ABCA12: variants seen among roughly 807,000 people sequenced by gnomAD.
ABCA12 encodes the protein glucosylceramide transporter ABCA12.
Under a neutral mutation model 293.5 loss-of-function variants are expected in ABCA12, and 156 were observed. That is an observed-to-expected ratio of 0.53 (90% CI 0.47 to 0.61). The LOEUF is 0.61. ABCA12 is among the 20% of genes least tolerant of loss of function. The probability of loss-of-function intolerance (pLI) is 0.00; values close to 1 mark genes in which losing one functional copy is unlikely to be tolerated. For synonymous variants in ABCA12, 1,063 were observed against 1,108.0 expected (o/e 0.96, Z 0.81); for missense variants, 2,797 against 3,090.2 (o/e 0.91, Z 2.25).
rs150269384 is a variant in ABCA12, at chr2:215,098,919, C to T, written c.163+12678G>A. 3.3e-4 allele frequency among the ~76,000 whole-genome samples: 50 copies of T among 152,352 alleles called. No homozygotes were observed. The East Asian group carries it at 6.0e-3, about 18-fold the overall frequency. On this transcript the variant is annotated intron_variant, in intron 2 of 52. Coordinates refer to ENST00000272895, the MANE Select transcript of ABCA12 (RefSeq NM_173076.3). ...ACACCGCGATGATGGGGCTGAATAT[C>T]GTAAGCACGTTTATGCCCTTTGTTA...
intron 7 of ABCA12, among the ~76,000 whole-genome samples, chr2:215,045,130 C>T (rs1319439783): frequency 6.6e-6 from 1 of 152,110 alleles, no homozygotes; most frequent in Non-Finnish European, 1.5e-5. Context: ...AATAATCGAA[C>T]ATCATTGATG....
intron 1 of ABCA12, among the ~76,000 whole-genome samples, chr2:215,125,862 TGTCTTGTTCC>T (rs1416707681): frequency 1.3e-5 from 2 of 152,182 alleles, no homozygotes; most frequent in Non-Finnish European, 1.5e-5. Flanking sequence ...TGGACATCCT[TGTCTTGTTCC>T]AGTTCTCAGA....
At chr2:214,975,570 T>C (rs1416226680) in intron 34 of ABCA12, among the ~76,000 whole-genome samples, 1 of 152,204 alleles carries the variant, frequency 6.6e-6, no homozygotes, top group Non-Finnish European at 1.5e-5. Flanking sequence ...ACTATAACTT[T>C]AGTTTTAGAT....
intron 9 of ABCA12, among the ~76,000 whole-genome samples, chr2:215,030,540 C>T (rs1384636104): frequency 1.3e-5 from 2 of 151,004 alleles, no homozygotes; most frequent in African/African-American, 4.9e-5. Context: ...GGAGGCGGAG[C>T]TTGCAGTGAG....
intron 44 of ABCA12, 131 bp from the exon 45 acceptor site, chr2:214,951,214 G>T: frequency 1.2e-6 from 1 of 820,304 alleles, no homozygotes; most frequent in Non-Finnish European, 2.0e-6. Context: ...CATTTGTAAT[G>T]AATTATGCTA....
intron 2 of ABCA12, among the ~76,000 whole-genome samples, chr2:215,079,669 C>T (rs923512800): frequency 2.6e-5 from 4 of 152,020 alleles, no homozygotes; most frequent in African/African-American, 9.7e-5. Context: ...CCAGCTTTTG[C>T]TTATTGCTCC....
chr2:215,046,264 A>G (rs1381085107), intron 6 of ABCA12, among the ~76,000 whole-genome samples: 1 of 151,856 alleles, frequency 6.6e-6, no homozygotes, highest in African/African-American at 2.4e-5. Flanking sequence ...AGCTGTATTT[A>G]TATAAAATAT....
intron 2 of ABCA12, among the ~76,000 whole-genome samples, chr2:215,067,400 C>T (rs1306539862): frequency 6.6e-6 from 1 of 152,006 alleles, no homozygotes; most frequent in Non-Finnish European, 1.5e-5. Context: ...AAAGGAAGAC[C>T]ATGATTGTGC....
In ABCA12 at chr2:214,953,910, G is replaced by A. The variant is rs1453353800; in HGVS notation, c.6591C>T (p.Gly2197=). The change falls in exon 44 of 53, where the codon GGC becomes GGT. Residue 2197 remains glycine (G), a synonymous_variant. Transcript: ENST00000272895. ...AGAGTCGCAAGGAAAAAAACATGGTGCCCTGAGAAACCAAAGCCACAAACA... is the reference window on the plus strand; with the variant it reads ...AGAGTCGCAAGGAAAAAAACATGGTACCCTGAGAAACCAAAGCCACAAACA... ...GAMFVALVSQ[G]TMFFSLRLLI... 8 of 1,613,824 alleles carry A rather than the reference G, an allele frequency of 5.0e-6. No individual in the cohort carries two copies. Among genetic ancestry groups the A allele is most frequent in the Admixed American group, 3.3e-5 (2 of 59,986 alleles).
intron 23 of ABCA12, among the ~76,000 whole-genome samples, chr2:214,995,488 T>G (rs1700012960): frequency 6.6e-6 from 1 of 152,086 alleles, no homozygotes; most frequent in South Asian, 2.1e-4. Flanking sequence ...TGGAAGAGGA[T>G]TGGTTGGAAG....
At chr2:215,041,748 A>G (rs10192572) in intron 7 of ABCA12, among the ~76,000 whole-genome samples, 4,862 of 152,308 alleles carry the variant, frequency 0.032, 263 homozygotes, top group African/African-American at 0.11. Context: ...AATAGTCAAA[A>G]TGTGGAGATA....
At chr2:215,068,958 C>G (rs535390706) in intron 2 of ABCA12, among the ~76,000 whole-genome samples, 2 of 152,256 alleles carry the variant, frequency 1.3e-5, no homozygotes, top group East Asian at 3.9e-4. Flanking sequence ...AATGAAGCTA[C>G]TTCCATTTGA....
intron 51 of ABCA12, among the ~76,000 whole-genome samples, chr2:214,935,067 T>A (rs1440407108): frequency 6.6e-6 from 1 of 152,178 alleles, no homozygotes; most frequent in East Asian, 1.9e-4. Context: ...GTGACGCCAG[T>A]GCATCAGATC....
At chr2:215,026,782 A>G in intron 10 of ABCA12, 38 bp downstream of exon 10, 1 of 1,505,188 alleles carries the variant, frequency 6.6e-7, no homozygotes, top group African/African-American at 1.4e-5. Context: ...AGAGGTAGAA[A>G]CCATGAGCAG....
chr2:214,995,065 C>T (rs774904722), intron 23 of ABCA12, among the ~76,000 whole-genome samples: 1 of 152,112 alleles, frequency 6.6e-6, no homozygotes, highest in East Asian at 1.9e-4. Context: ...AAAACCCAAT[C>T]GAAAGGCATT....
rs146853935 is a variant in ABCA12, at chr2:214,938,852, T to C, written c.7437-1237A>G. On this transcript the variant is annotated intron_variant, in intron 50 of 52. Coordinates refer to ENST00000272895, the MANE Select transcript of ABCA12 (RefSeq NM_173076.3). ...GTTTAAGTTCTTTGTAGATTCTGGA[T>C]GTTGGCCCTTTGTCAGATGGATAGA... 8.2e-3 allele frequency among the ~76,000 whole-genome samples: 1,244 copies of C among 152,334 alleles called. 8 individuals carry two copies. The highest frequency in any genetic ancestry group is 0.014 in the Middle Eastern group (4 of 294).
intron 1 of ABCA12, among the ~76,000 whole-genome samples, chr2:215,132,926 G>A (rs1406892884): frequency 6.6e-6 from 1 of 151,900 alleles, no homozygotes; most frequent in African/African-American, 2.4e-5. Flanking sequence ...GGCTAATAAT[G>A]ACAAATTCTC....
At position 215,019,724 on chromosome 2, in the gene ABCA12, G is replaced by A. The variant is rs1164969338; in HGVS notation, c.1360C>T (p.Gln454Ter). ...CTCCCAAAGCTCATATCAGAGAGCT[G>A]GCATGACTTCTCTATCAAACTGAAA... ...ETFSLIEKSC[Q>*]LSDMSFGSLC... The change falls in exon 12 of 53, where the codon CAG becomes TAG. Residue 454 changes from glutamine to a stop codon, truncating the protein, a stop_gained. Coordinates refer to ENST00000272895, the MANE Select transcript of ABCA12 (RefSeq NM_173076.3). LOFTEE classifies it high-confidence loss of function. 1 of 1,614,072 alleles carries A rather than the reference G, an allele frequency of 6.2e-7. No individual in the cohort carries two copies. Among genetic ancestry groups the A allele is most frequent in the Non-Finnish European group, 8.5e-7 (1 of 1,180,030 alleles).
chr2:214,970,001 A>G (rs1266152954), intron 37 of ABCA12, among the ~76,000 whole-genome samples: 1 of 152,014 alleles, frequency 6.6e-6, no homozygotes, highest in Non-Finnish European at 1.5e-5. Flanking sequence ...GTCAGTCAAT[A>G]AATTCCCTTT....
Sources: gnomAD v4.1 joint callset for allele counts (sites outside exome capture counted in the v4.1 genomes callset) on GRCh38, gnomAD v4.1.1 for gene constraint, MANE v1.5 for transcripts, NCBI Gene and HGNC (gene_info 2026-07-23, HGNC 2026-07-21) for gene names.